The following AHCYL2 variants were observed in gnomAD, a reference collection of about 807,000 sequenced individuals.
The protein encoded by AHCYL2 is adenosylhomocysteinase like 2.
Under a neutral mutation model 81.4 loss-of-function variants are expected in AHCYL2, and 28 were observed. The ratio of observed to expected loss-of-function variants is 0.34; its 90% confidence interval spans 0.25 to 0.47. The LOEUF is 0.47. AHCYL2 is among the 20% of genes least tolerant of loss of function. The pLI is 1.00. For missense variants in AHCYL2, 551 were observed against 785.1 expected (o/e 0.70, Z 3.56); for synonymous variants, 272 against 290.2 (o/e 0.94, Z 0.64).
chr7:129,305,574 T>C (rs1360140989), intron 1 of AHCYL2, among the ~76,000 whole-genome samples: 1 of 152,242 alleles, frequency 6.6e-6, no homozygotes, highest in Non-Finnish European at 1.5e-5. Context: ...TGAAAAGTTG[T>C]AGTTATTATT....
intron 1 of AHCYL2, among the ~76,000 whole-genome samples, chr7:129,364,221 C>T (rs957927404): frequency 7.2e-5 from 11 of 152,022 alleles, no homozygotes; most frequent in Non-Finnish European, 1.5e-4. Context: ...TAGTGAGACC[C>T]TCTTAGGTTA....
At chr7:129,272,222 C>G (rs939581942) in intron 1 of AHCYL2, among the ~76,000 whole-genome samples, 2 of 152,122 alleles carry the variant, frequency 1.3e-5, no homozygotes, top group Non-Finnish European at 2.9e-5. Flanking sequence ...ACGTGAGTTC[C>G]AGTTCCAGTG....
At chr7:129,322,696 A>G (rs551898830) in intron 1 of AHCYL2, among the ~76,000 whole-genome samples, 5 of 152,118 alleles carry the variant, frequency 3.3e-5, no homozygotes, top group African/African-American at 1.2e-4. Flanking sequence ...GGCTCAAGCC[A>G]TCCTCCCACT....
chr7:129,234,391 T>A (rs934880638), intron 1 of AHCYL2, among the ~76,000 whole-genome samples: 14 of 152,076 alleles, frequency 9.2e-5, no homozygotes, highest in African/African-American at 3.4e-4. Flanking sequence ...ATTACAGGCA[T>A]CCGCCACTGT....
At chr7:129,410,460 G>A (rs941132488) in intron 11 of AHCYL2, 29 of 1,250,002 alleles carry the variant, frequency 2.3e-5, no homozygotes, top group African/African-American at 1.9e-4. Flanking sequence ...AAATGTGTAC[G>A]TCATTCATTA....
intron 1 of AHCYL2, among the ~76,000 whole-genome samples, chr7:129,342,450 T>C (rs1277933273): frequency 6.6e-6 from 1 of 152,086 alleles, no homozygotes; most frequent in Non-Finnish European, 1.5e-5. Context: ...AAAATAGGAA[T>C]AAAGAAGCAA....
In AHCYL2 at chr7:129,258,556, CTTTT is replaced by C. The variant is rs56039495; in HGVS notation, c.363+33133_363+33136del. On this transcript the variant is annotated intron_variant, in intron 1 of 16. Coordinates refer to ENST00000325006, the MANE Select transcript of AHCYL2 (RefSeq NM_015328.4). ...TATAAAATTTATGTTATTTATCTTG[CTTTT>C]TTTTTTTTTTTTTTTACAAGAATCT... Among the ~76,000 whole-genome samples the C allele has an allele frequency of 3.7e-4, 49 of 133,088 alleles. 1 individual carries two copies. Among genetic ancestry groups the C allele is most frequent in the South Asian group, 5.0e-4 (2 of 4,026 alleles). 87.3% of individuals were successfully genotyped at this position (133,088 alleles called of 152,430 possible).
intron 1 of AHCYL2, among the ~76,000 whole-genome samples, chr7:129,352,257 G>A (rs1319644336): frequency 6.6e-6 from 1 of 152,114 alleles, no homozygotes; most frequent in African/African-American, 2.4e-5. Flanking sequence ...TGAACGAAGT[G>A]AGCCTGTCTC....
chr7:129,246,600 C>T (rs1004402722), intron 1 of AHCYL2, among the ~76,000 whole-genome samples: 6 of 152,118 alleles, frequency 3.9e-5, no homozygotes, highest in South Asian at 2.1e-4. Context: ...TACGCTCAAT[C>T]GATCTTCTCA....
chr7:129,319,820 A>G lies in AHCYL2; in HGVS notation c.364-59818A>G, dbSNP rs535616499. Among the ~76,000 whole-genome samples, 12 of 152,288 alleles carry G rather than the reference A, an allele frequency of 7.9e-5. No individual in the cohort carries two copies. In the East Asian group the frequency reaches 2.3e-3, roughly 29 times the overall value. On this transcript the variant is annotated intron_variant, in intron 1 of 16. Transcript: ENST00000325006. ...GTTATCAGGTTTACTGTTGATGGACATTTGGGTGGTTTTCAATATGAGGCT... is the reference window on the plus strand; with the variant it reads ...GTTATCAGGTTTACTGTTGATGGACGTTTGGGTGGTTTTCAATATGAGGCT...
intron 2 of AHCYL2, 40 bp from the exon 3 acceptor site, chr7:129,389,016 A>G: frequency 7.1e-7 from 1 of 1,399,082 alleles, no homozygotes; most frequent in African/African-American, 1.5e-5. Flanking sequence ...TAGAGGAAGC[A>G]TTTTTTTTTT....
chr7:129,381,758 T>C (rs1794964740), intron 2 of AHCYL2, among the ~76,000 whole-genome samples: 1 of 152,220 alleles, frequency 6.6e-6, no homozygotes, highest in Non-Finnish European at 1.5e-5. Context: ...ACTGTCCTGG[T>C]TACCCTCATC....
intron 1 of AHCYL2, among the ~76,000 whole-genome samples, chr7:129,378,491 G>T (rs906281511): frequency 7.2e-5 from 11 of 152,042 alleles, no homozygotes; most frequent in Non-Finnish European, 1.3e-4. Context: ...TTGTCTCATT[G>T]AACCCTCTCT....
At chr7:129,328,492 G>GT (rs1489760251) in intron 1 of AHCYL2, among the ~76,000 whole-genome samples, 35 of 148,244 alleles carry the variant, frequency 2.4e-4, no homozygotes, top group Non-Finnish European at 4.0e-4. Flanking sequence ...GTTGTTTTTT[G>GT]TTTTTTTTGT....
intron 5 of AHCYL2, among the ~76,000 whole-genome samples, chr7:129,399,863 A>G (rs540251323): frequency 5.3e-5 from 8 of 151,914 alleles, no homozygotes; most frequent in Admixed American, 5.3e-4. Flanking sequence ...AGTAGCTGAG[A>G]TTACAGGCAT....
intron 1 of AHCYL2, among the ~76,000 whole-genome samples, chr7:129,314,119 G>A (rs1797755094): frequency 6.6e-6 from 1 of 152,286 alleles, no homozygotes; most frequent in African/African-American, 2.4e-5. Context: ...ACTAGAGGTA[G>A]CAGATGGCAG....
At position 129,251,342 on chromosome 7, in the gene AHCYL2, T is replaced by A. The variant is rs1019698626; in HGVS notation, c.363+25903T>A. Among the ~76,000 whole-genome samples the A allele has an allele frequency of 4.8e-4, 53 of 109,408 alleles. No individual in the cohort carries two copies. The East Asian group carries it at 7.4e-3, about 15-fold the overall frequency. 71.8% of individuals were successfully genotyped at this position (109,408 alleles called of 152,430 possible). On this transcript the variant is annotated intron_variant, in intron 1 of 16. Coordinates refer to ENST00000325006, the MANE Select transcript of AHCYL2 (RefSeq NM_015328.4). Reference sequence around the variant, plus strand: ...ATTTTTTTTTTTTTTTTTTTTTTTTTAAATAAGAGTGATTAAATCAGTTTG... The same window carrying A: ...ATTTTTTTTTTTTTTTTTTTTTTTTAAAATAAGAGTGATTAAATCAGTTTG...
At chr7:129,248,573 A>G (rs1795140261) in intron 1 of AHCYL2, among the ~76,000 whole-genome samples, 1 of 145,978 alleles carries the variant, frequency 6.9e-6, no homozygotes, top group African/African-American at 2.5e-5. Context: ...GAACCCATGG[A>G]TATGAGGGCT....
At chr7:129,242,000 T>G (rs998834158) in intron 1 of AHCYL2, among the ~76,000 whole-genome samples, 2 of 152,208 alleles carry the variant, frequency 1.3e-5, no homozygotes, top group Non-Finnish European at 2.9e-5. Context: ...TTTAGTACTT[T>G]TGCTATATAT....
Sources: allele counts gnomAD v4.1 joint callset (sites outside exome capture counted in the v4.1 genomes callset), GRCh38; gene constraint gnomAD v4.1.1; transcripts MANE v1.5; gene names NCBI Gene and HGNC (gene_info 2026-07-23, HGNC 2026-07-21).